The following HSPA4 variants were observed in gnomAD, a reference collection of about 807,000 sequenced individuals.
HSPA4 encodes heat shock 70 kDa protein 4.
In HSPA4, 25 loss-of-function variants were observed where a neutral mutation model predicts 106.2. That is an observed-to-expected ratio of 0.24 (90% CI 0.17 to 0.33). HSPA4 has a LOEUF of 0.33. Among genes scored for constraint, HSPA4 ranks in the 10% least tolerant of loss-of-function variants. The pLI, the probability that HSPA4 is intolerant of heterozygous loss-of-function variation, is 1.00. For synonymous variants in HSPA4, 332 were observed against 333.6 expected, an observed-to-expected ratio of 1.00 and a Z score of 0.05; for missense variants, 841 against 996.0, an observed-to-expected ratio of 0.84 and a Z score of 2.10.
intron 11 of HSPA4, 41 bp downstream of exon 11, chr5:133,089,736 A>G: frequency 1.4e-6 from 2 of 1,436,962 alleles, no homozygotes; most frequent in Non-Finnish European, 1.9e-6. Flanking sequence ...AAAAAAAAAA[A>G]AGCACAGTGG....
intron 8 of HSPA4, among the ~76,000 whole-genome samples, chr5:133,088,174 ACCT>A (rs1765602017): frequency 6.6e-6 from 1 of 152,006 alleles, no homozygotes; most frequent in South Asian, 2.1e-4. Context: ...CCTGGCCCTC[ACCT>A]CCTAAATCCC....
chr5:133,084,628 G>A (rs1765555549), intron 7 of HSPA4, among the ~76,000 whole-genome samples: 1 of 151,780 alleles, frequency 6.6e-6, no homozygotes, highest in Admixed American at 6.6e-5. Flanking sequence ...GCACCACCAC[G>A]CCTGGCTAAT....
exon 19 of HSPA4, chr5:133,106,445 TTGAA>T (rs943201723): frequency 5.3e-5 from 8 of 151,326 alleles, no homozygotes; most frequent in South Asian, 4.2e-4. Context: ...TGTCTTAAAC[TTGAA>T]TGGTTTCCTT....
chr5:133,064,758 A>T (rs1765287604), intron 1 of HSPA4, among the ~76,000 whole-genome samples: 1 of 152,198 alleles, frequency 6.6e-6, no homozygotes. Context: ...CTAGACAGGT[A>T]GTTATCACAT....
chr5:133,057,645 A>G (rs865890039), intron 1 of HSPA4, among the ~76,000 whole-genome samples: 4 of 152,244 alleles, frequency 2.6e-5, no homozygotes, highest in South Asian at 2.1e-4. Flanking sequence ...TAAGAAAAGG[A>G]AAACAGTGAT....
chr5:133,088,977 A>G, intron 9 of HSPA4, 78 bp from the exon 10 acceptor site: 1 of 669,456 alleles, frequency 1.5e-6, no homozygotes, highest in Non-Finnish European at 2.5e-6. Context: ...TTCTGAAGTA[A>G]TTTGTATGTT....
At chr5:133,062,437 G>A (rs186568578) in intron 1 of HSPA4, among the ~76,000 whole-genome samples, 65 of 152,276 alleles carry the variant, frequency 4.3e-4, no homozygotes, top group Admixed American at 7.8e-4. Context: ...AAAGATGGAG[G>A]TGTGCCAATT....
At chr5:133,063,734 A>G (rs985999888) in intron 1 of HSPA4, among the ~76,000 whole-genome samples, 3 of 147,572 alleles carry the variant, frequency 2.0e-5, no homozygotes, top group Non-Finnish European at 4.5e-5. Flanking sequence ...CGCTCGGCCA[A>G]AATTTACTTA....
chr5:133,072,375 T>C (rs992024088), intron 4 of HSPA4, among the ~76,000 whole-genome samples: 1 of 148,082 alleles, frequency 6.8e-6, no homozygotes, highest in African/African-American at 2.5e-5. Flanking sequence ...GAGTTCTGCC[T>C]AGCCTGGTCC....
At chr5:133,095,165 C>T (rs1240597787) in intron 13 of HSPA4, among the ~76,000 whole-genome samples, 1 of 151,938 alleles carries the variant, frequency 6.6e-6, no homozygotes, top group African/African-American at 2.4e-5. Context: ...CAAAAATTAG[C>T]TGGGCAGGAG....
chr5:133,075,483 T>C (rs1483670606), intron 6 of HSPA4, among the ~76,000 whole-genome samples: 6 of 152,168 alleles, frequency 3.9e-5, no homozygotes, highest in Non-Finnish European at 7.3e-5. Flanking sequence ...TCTCCCCAAA[T>C]TGGAAAACAT....
At chr5:133,074,272 CT>C (rs1006898493) in intron 6 of HSPA4, 146 bp downstream of exon 6, 9 of 444,156 alleles carry the variant, frequency 2.0e-5, no homozygotes, top group Non-Finnish European at 3.0e-5. Flanking sequence ...TCTTTTCTTT[CT>C]TTTTTTTCTC....
intron 17 of HSPA4, among the ~76,000 whole-genome samples, chr5:133,102,639 T>C (rs1315258513): frequency 1.3e-5 from 2 of 152,232 alleles, no homozygotes; most frequent in South Asian, 2.1e-4. Flanking sequence ...GTTCAGACTT[T>C]GGAGTATAAA....
intron 6 of HSPA4, 133 bp from the exon 7 acceptor site, chr5:133,076,521 A>G (rs1337573694): frequency 4.2e-6 from 3 of 711,870 alleles, no homozygotes; most frequent in East Asian, 5.4e-5. Context: ...AATGATGTAT[A>G]CATTGCTTTG....
intron 13 of HSPA4, among the ~76,000 whole-genome samples, chr5:133,093,758 C>T (rs942569627): frequency 2.6e-5 from 4 of 152,104 alleles, no homozygotes; most frequent in Non-Finnish European, 4.4e-5. Context: ...CCTGGGATTA[C>T]AGGCATGAGC....
Position 133,088,495 on chromosome 5 carries a change from T to C in HSPA4, c.1077T>C (p.Gly359=). The change falls in exon 9 of 19, where the codon GGT becomes GGC. Residue 359 remains glycine, a synonymous_variant. Transcript: ENST00000304858. The stretch of plus-strand genomic sequence containing the variant: ...AAGAGAAGATCAGCAAATTTTTCGG[T>C]AAAGAACTTAGTACAACATTAAATG... ...AVKEKISKFF[G]KELSTTLNAD... 1.2e-6 allele frequency: 2 copies of C among 1,613,958 alleles called. No individual in the cohort carries two copies. The highest frequency in any genetic ancestry group is 1.7e-6 in the Non-Finnish European group (2 of 1,179,812).
chr5:133,066,547 A>G (rs535996740), intron 2 of HSPA4, among the ~76,000 whole-genome samples: 28 of 152,168 alleles, frequency 1.8e-4, no homozygotes, highest in Non-Finnish European at 3.8e-4. Flanking sequence ...TTGATATTTC[A>G]TTGTATGAAT....
chr5:133,055,574 A>AT (rs1765150392), intron 1 of HSPA4, among the ~76,000 whole-genome samples: 1 of 152,108 alleles, frequency 6.6e-6, no homozygotes, highest in African/African-American at 2.4e-5. Context: ...CCTTCATTTT[A>AT]TCAGATGTTG....
chr5:133,105,811 T>G lies in HSPA4; in HGVS notation c.*1375T>G, dbSNP rs143973960. On this transcript the variant is annotated 3_prime_UTR_variant, in exon 19 of 19. Transcript: ENST00000304858. Reference sequence around the variant, plus strand: ...AGCGTTTGTCCATCTCTAGATAACATTGAAAAGTTTGAGTGTTACAGGCTC... The same window carrying G: ...AGCGTTTGTCCATCTCTAGATAACAGTGAAAAGTTTGAGTGTTACAGGCTC... 2.0e-5 allele frequency: 3 copies of G among 152,234 alleles called. No homozygotes were observed. In the East Asian group the frequency reaches 5.8e-4, roughly 29 times the overall value. 9.4% of individuals were successfully genotyped at this position (152,234 alleles called of 1,614,324 possible).
Sources: allele counts gnomAD v4.1 joint callset (sites outside exome capture counted in the v4.1 genomes callset), GRCh38; gene constraint gnomAD v4.1.1; transcripts MANE v1.5; gene names NCBI Gene and HGNC (gene_info 2026-07-23, HGNC 2026-07-21).